The following KRT6C variants were observed in gnomAD, a reference collection of about 807,000 sequenced individuals.
The protein encoded by KRT6C is keratin 6C, also known as keratin, type II cytoskeletal 6C.
In KRT6C, 46 loss-of-function variants were observed where a neutral mutation model predicts 49.4. That is an observed-to-expected ratio of 0.93 (90% CI 0.74 to 1.19). KRT6C has a LOEUF of 1.19. Among genes scored for constraint, KRT6C ranks in the 50% most tolerant of loss-of-function variants. KRT6C has a pLI of 0.00. For synonymous variants in KRT6C, 236 were observed against 297.1 expected, an observed-to-expected ratio of 0.79 and a Z score of 2.12; for missense variants, 552 against 737.5, an observed-to-expected ratio of 0.75 and a Z score of 2.91.
At position 52,468,973 on chromosome 12, in the gene KRT6C, G is replaced by T. The variant is rs1937820792; in HGVS notation, c.*89C>A. On this transcript the variant is annotated 3_prime_UTR_variant, in exon 9 of 9. Transcript: ENST00000252250. ...ACCTCGGAGAGCAGGGAAGACTAGA[G>T]GCCAGGAGAGGATAGGCAACCTGAG... 2 of 1,547,866 alleles carry T rather than the reference G, an allele frequency of 1.3e-6. No individual in the cohort carries two copies. The highest frequency in any genetic ancestry group is 2.7e-5 in the African/African-American group (2 of 73,576).
intron 1 of KRT6C, among the ~76,000 whole-genome samples, chr12:52,472,937 C>T (rs1179420037): frequency 1.3e-5 from 2 of 149,780 alleles, no homozygotes; most frequent in Non-Finnish European, 3.0e-5. Context: ...ACCTACTCCA[C>T]TCTCTGATGG....
chr12:52,469,868 A>G lies in KRT6C; in HGVS notation c.1226T>C (p.Ile409Thr). Reference sequence around the variant, plus strand: ...CTCCCCACGCTGCTCAGCATCAGCAATGGCAGCCTGCAGGCTGGCACACTA... The same window carrying G: ...CTCCCCACGCTGCTCAGCATCAGCAGTGGCAGCCTGCAGGCTGGCACACTA... ...KKQCASLQAAIADAEQRGEMA... is the reference protein window; with the variant it reads ...KKQCASLQAATADAEQRGEMA... The change falls in exon 7 of 9, where the codon ATT becomes ACT. Residue 409 changes from isoleucine to threonine, a missense_variant. Around this residue, in one of 3 missense-constraint regions of KRT6C, gnomAD observed 425 missense variants for 439.4 expected, o/e 0.97. Coordinates refer to ENST00000252250, the MANE Select transcript of KRT6C (RefSeq NM_173086.5). 1 of 1,614,132 alleles carries G rather than the reference A, an allele frequency of 6.2e-7. No homozygotes were observed. Among genetic ancestry groups the G allele is most frequent in the Non-Finnish European group, 8.5e-7 (1 of 1,180,016 alleles).
Position 52,473,498 on chromosome 12 carries a change from A to T in KRT6C, c.240T>A (p.Ser80Arg). 1 of 1,475,186 alleles carries T rather than the reference A, an allele frequency of 6.8e-7. No individual in the cohort carries two copies. Among genetic ancestry groups the T allele is most frequent in the Non-Finnish European group, 9.3e-7 (1 of 1,074,382 alleles). The allele number at this position is 1,475,186 out of a possible 1,614,324, so 91.4% of individuals were successfully genotyped here. The change falls in exon 1 of 9, where the codon AGT becomes AGA. Residue 80 changes from serine to arginine, a missense_variant. This residue lies in a region of KRT6C where 54 missense variants were observed against 195.9 expected (regional missense o/e 0.28). Coordinates refer to ENST00000252250, the MANE Select transcript of KRT6C (RefSeq NM_173086.5). ...CTCCGGCTCTGCTGCCATAGCCGCC[A>T]CTGATGGCACAGCTGCCCCCTCCAA... is the stretch of plus-strand genomic sequence containing the variant. ...ISIGGGSCAISGGYGSRAGGS... is the reference protein window; with the variant it reads ...ISIGGGSCAIRGGYGSRAGGS...
At position 52,469,189 on chromosome 12, in the gene KRT6C, A is replaced by T. The variant is rs1236573294; in HGVS notation, c.1568T>A (p.Ile523Asn). The T allele has an allele frequency of 3.1e-6, 5 of 1,613,902 alleles. No individual in the cohort carries two copies. In the Admixed American group the frequency reaches 8.3e-5, roughly 27 times the overall value. Reference protein sequence around the residue: ...SSYSYGSGLGIGGGFSSSSGR... With the variant: ...SSYSYGSGLGNGGGFSSSSGR... ...ACTGCTGGAACTGAAGCCACCTCCA[A>T]TGCCAAGACCACTGCCATAGGAGTA... The change falls in exon 9 of 9, where the codon ATT (isoleucine) becomes AAT (asparagine). Residue 523 changes from isoleucine (I) to asparagine (N), a missense_variant. By Grantham distance (149) the Ile-to-Asn change is moderately radical. This residue lies in a region of KRT6C where 425 missense variants were observed against 439.4 expected (regional missense o/e 0.97). Transcript: ENST00000252250.
chr12:52,469,366 A>T (rs369795126), intron 8 of KRT6C, 45 bp downstream of exon 8: 1 of 1,613,946 alleles, frequency 6.2e-7, no homozygotes, highest in Non-Finnish European at 8.5e-7. Flanking sequence ...GAGCCCAGTC[A>T]GAAGAGTGCG....
intron 6 of KRT6C, 151 bp downstream of exon 6, chr12:52,470,354 C>A: frequency 7.2e-7 from 1 of 1,392,056 alleles, no homozygotes; most frequent in African/African-American, 1.4e-5. Flanking sequence ...ATTCACTTCT[C>A]TATTGAGTTC....
chr12:52,468,972 A>C lies in KRT6C; in HGVS notation c.*90T>G. The C allele has an allele frequency of 6.5e-7, 1 of 1,535,158 alleles. No homozygotes were observed. The highest frequency in any genetic ancestry group is 9.0e-7 in the Non-Finnish European group (1 of 1,114,018). ...TACCTCGGAGAGCAGGGAAGACTAG[A>C]GGCCAGGAGAGGATAGGCAACCTGA... is the stretch of plus-strand genomic sequence containing the variant. On this transcript the variant is annotated 3_prime_UTR_variant, in exon 9 of 9. Coordinates refer to ENST00000252250, the MANE Select transcript of KRT6C (RefSeq NM_173086.5).
intron 5 of KRT6C, 63 bp downstream of exon 5, chr12:52,471,069 C>A (rs1041521618): frequency 1.2e-6 from 2 of 1,613,674 alleles, no homozygotes; most frequent in East Asian, 2.2e-5. Flanking sequence ...GTGAAGTCTG[C>A]AGTCCTCTGG....
intron 3 of KRT6C, 27 bp downstream of exon 3, chr12:52,471,645 T>C: frequency 2.5e-6 from 4 of 1,609,436 alleles, no homozygotes; most frequent in Non-Finnish European, 3.4e-6. Flanking sequence ...TCTAAATGAA[T>C]TTGAACCCCC....
chr12:52,469,127 C>T lies in KRT6C; in HGVS notation c.1630G>A (p.Gly544Ser), dbSNP rs149584449. The change falls in exon 9 of 9, where the codon GGC becomes AGC. Residue 544 changes from glycine to serine, a missense_variant. By Grantham distance (56) the Gly-to-Ser change is moderately conservative. This residue lies in a region of KRT6C where 425 missense variants were observed against 439.4 expected (regional missense o/e 0.97). Coordinates refer to ENST00000252250, the MANE Select transcript of KRT6C (RefSeq NM_173086.5). ...GTGTACTTGATGGTGGAACTGCCGC[C>T]TCCAACAGAGCTGAGGCCACCCCCA... ...AIGGGLSSVG[G>S]GSSTIKYTTT... 259 of 1,614,054 alleles carry T rather than the reference C, an allele frequency of 1.6e-4. 1 individual carries two copies. In the African/African-American group the frequency reaches 2.8e-3, roughly 18 times the overall value.
chr12:52,470,930 C>T (rs555985882), intron 5 of KRT6C, among the ~76,000 whole-genome samples: 30 of 152,294 alleles, frequency 2.0e-4, no homozygotes, highest in South Asian at 1.0e-3. Context: ...TTGTCTATGG[C>T]AGCTTTCCTC....
chr12:52,470,748 C>T, intron 5 of KRT6C, 118 bp from the exon 6 acceptor site: 1 of 1,607,110 alleles, frequency 6.2e-7, no homozygotes, highest in Non-Finnish European at 8.5e-7. Context: ...CCTCAAGAAA[C>T]TTGAGGAAAA....
rs561088025 is a variant in KRT6C, at chr12:52,472,161, G to T, written c.660C>A (p.Asn220Lys). Residue 220 changes from asparagine (N) to lysine (K), a missense_variant, in exon 2 of 9, where the codon AAC becomes AAA. Coordinates refer to ENST00000252250, the MANE Select transcript of KRT6C (RefSeq NM_173086.5). ...LEPLFEQYIN[N>K]LRRQLDSIVG... ...CGATGCTGTCCAGCTGCCTCCTGAG[G>T]TTGTTGATGTACTGCTCGAACAACG... 160 of 1,509,692 alleles carry T rather than the reference G, an allele frequency of 1.1e-4. 11 individuals carry two copies. The South Asian group carries it at 1.7e-3, about 16-fold the overall frequency. 93.5% of individuals were successfully genotyped at this position (1,509,692 alleles called of 1,614,324 possible). A position where few individuals can be genotyped will look rare whatever the true frequency, so the allele number is the denominator to read the frequency against.
chr12:52,472,400 G>A (rs190100398), intron 1 of KRT6C, 120 bp from the exon 2 acceptor site: 2 of 945,036 alleles, frequency 2.1e-6, no homozygotes, highest in African/African-American at 1.5e-5. Context: ...AGTGCATGTG[G>A]AGAGGCTCAG....
At chr12:52,470,310 G>C in intron 6 of KRT6C, 195 bp downstream of exon 6, 1 of 949,432 alleles carries the variant, frequency 1.1e-6, no homozygotes. Context: ...ACCTGGCCTT[G>C]CTTGTGCCTC....
Position 52,469,523 on chromosome 12 carries a change from G to A in KRT6C, c.1425-78C>T, listed in dbSNP as rs1192130584. ...GGACCAGTGTGGGCAGCCTCGGTGGGTGGAAGAGTCCATGGGAAACTGCTC... is the reference window on the plus strand; with the variant it reads ...GGACCAGTGTGGGCAGCCTCGGTGGATGGAAGAGTCCATGGGAAACTGCTC... On this transcript the variant is annotated intron_variant, in intron 7 of 8. Coordinates refer to ENST00000252250, the MANE Select transcript of KRT6C (RefSeq NM_173086.5). 1.5e-5 allele frequency: 24 copies of A among 1,613,302 alleles called. No homozygotes were observed. The East Asian group carries it at 2.2e-4, about 15-fold the overall frequency.
At chr12:52,470,148 A>G in intron 6 of KRT6C, 2 of 613,532 alleles carry the variant, frequency 3.3e-6, no homozygotes, top group South Asian at 2.0e-5. Flanking sequence ...CCCAAAAACA[A>G]GCCATATGGA....
At chr12:52,469,469 G>A in intron 7 of KRT6C, 24 bp from the exon 8 acceptor site, 1 of 1,613,964 alleles carries the variant, frequency 6.2e-7, no homozygotes, top group Non-Finnish European at 8.5e-7. Flanking sequence ...CACAGGGAGG[G>A]TGAGACCTCA....
In KRT6C at chr12:52,469,794, G is replaced by T; in HGVS notation, c.1300C>A (p.Leu434Met). ...KNKLEGLEDA[L>M]QKAKQDLARL... The stretch of plus-strand genomic sequence containing the variant: ...GCCAGGTCCTGCTTGGCCTTCTGCA[G>T]GGCATCCTCCAGCCCTTCCAGCTTG... Residue 434 changes from leucine to methionine, a missense_variant, in exon 7 of 9, where the codon CTG becomes ATG. Leu to Met is a conservative substitution (Grantham distance 15). Around this residue, in one of 3 missense-constraint regions of KRT6C, gnomAD observed 425 missense variants for 439.4 expected, o/e 0.97. Coordinates refer to ENST00000252250, the MANE Select transcript of KRT6C (RefSeq NM_173086.5). The T allele has an allele frequency of 6.2e-7, 1 of 1,614,114 alleles. No homozygotes were observed. Among genetic ancestry groups the T allele is most frequent in the Non-Finnish European group, 8.5e-7 (1 of 1,180,004 alleles).
Sources: gnomAD v4.1 joint callset for allele counts (sites outside exome capture counted in the v4.1 genomes callset) on GRCh38, gnomAD v4.1.1 for gene constraint, gnomAD v4.1.1 regional missense constraint, MANE v1.5 for transcripts, NCBI Gene and HGNC (gene_info 2026-07-23, HGNC 2026-07-21) for gene names.